Variants in ADIPOR2 observed in about 807,000 individuals in gnomAD.
ADIPOR2 encodes adiponectin receptor 2, also known as adiponectin receptor protein 2.
Under a neutral mutation model 40.9 loss-of-function variants are expected in ADIPOR2, and 18 were observed. That is an observed-to-expected ratio of 0.44 (90% CI 0.30 to 0.65). The LOEUF (loss-of-function observed/expected upper bound fraction) is 0.65, where lower values mean the gene tolerates loss of function less well. ADIPOR2 is among the 30% of genes least tolerant of loss of function. The pLI is 0.09. For missense variants in ADIPOR2, 283 were observed against 479.2 expected, an observed-to-expected ratio of 0.59 and a Z score of 3.82; for synonymous variants, 165 against 166.4, an observed-to-expected ratio of 0.99 and a Z score of 0.06.
rs148666966 is a variant in ADIPOR2, at chr12:1,784,033, G to A, written c.992G>A (p.Arg331Gln). ...YITGAALYAA[R>Q]IPERFFPGKC... Reference sequence around the variant, plus strand: ...ACAGGAGCTGCCCTGTATGCTGCCCGGATCCCCGAACGCTTTTTCCCTGGC... The same window carrying A: ...ACAGGAGCTGCCCTGTATGCTGCCCAGATCCCCGAACGCTTTTTCCCTGGC... The change falls in exon 7 of 8, where the codon CGG becomes CAG. Residue 331 changes from arginine (R) to glutamine (Q), a missense_variant. Arg to Gln is a conservative substitution (Grantham distance 43). Coordinates refer to ENST00000357103, the MANE Select transcript of ADIPOR2 (RefSeq NM_024551.3). The A allele has an allele frequency of 3.7e-6, 6 of 1,604,254 alleles. No homozygotes were observed. The highest frequency in any genetic ancestry group is 1.3e-5 in the African/African-American group (1 of 74,302).
chr12:1,767,228 G>A (rs1017033354), intron 2 of ADIPOR2, among the ~76,000 whole-genome samples: 1 of 133,804 alleles, frequency 7.5e-6, no homozygotes, highest in Non-Finnish European at 1.5e-5. Flanking sequence ...CCAAGATTGC[G>A]CCATCACACT....
At chr12:1,713,779 G>A (rs576108987) in intron 1 of ADIPOR2, among the ~76,000 whole-genome samples, 1 of 152,214 alleles carries the variant, frequency 6.6e-6, no homozygotes, top group African/African-American at 2.4e-5. Flanking sequence ...GACTGTCCCA[G>A]GATTCCTCGG....
At chr12:1,772,452 A>G (rs1862508857) in intron 2 of ADIPOR2, among the ~76,000 whole-genome samples, 1 of 152,136 alleles carries the variant, frequency 6.6e-6, no homozygotes, top group Non-Finnish European at 1.5e-5. Context: ...AGTACTTACC[A>G]CATTGTGTAT....
At chr12:1,775,731 T>C (rs1234671422) in intron 3 of ADIPOR2, among the ~76,000 whole-genome samples, 1 of 152,186 alleles carries the variant, frequency 6.6e-6, no homozygotes, top group African/African-American at 2.4e-5. Context: ...TAGTGGTCTT[T>C]TCCCAAATTC....
intron 2 of ADIPOR2, among the ~76,000 whole-genome samples, chr12:1,771,212 A>G (rs562200911): frequency 5.3e-4 from 81 of 152,198 alleles, no homozygotes; most frequent in African/African-American, 1.9e-3. Context: ...GCACGCATGC[A>G]CACACACGTG....
At position 1,786,730 on chromosome 12, in the gene ADIPOR2, C is replaced by T. The variant is rs1458142795; in HGVS notation, c.*658C>T. On this transcript the variant is annotated 3_prime_UTR_variant, in exon 8 of 8. Transcript: ENST00000357103. ...CCGGAATGTACAGTGTCTTGGTGCA[C>T]CAAGATGCCTTCTAAAGGCTGACAT... 1 of 152,598 alleles carries T rather than the reference C, an allele frequency of 6.6e-6. No homozygotes were observed. The highest frequency in any genetic ancestry group is 2.4e-5 in the African/African-American group (1 of 41,410). 9.5% of individuals were successfully genotyped at this position (152,598 alleles called of 1,614,324 possible). A position where few individuals can be genotyped will look rare whatever the true frequency, so the allele number is the denominator to read the frequency against.
At chr12:1,692,617 G>T (rs2094629385) in intron 1 of ADIPOR2, among the ~76,000 whole-genome samples, 1 of 151,962 alleles carries the variant, frequency 6.6e-6, no homozygotes, top group Non-Finnish European at 1.5e-5. Context: ...AATGGGAGTA[G>T]GATTTCCAGA....
intron 1 of ADIPOR2, among the ~76,000 whole-genome samples, chr12:1,710,691 CAA>C (rs2094674792): frequency 6.6e-6 from 1 of 151,964 alleles, no homozygotes; most frequent in African/African-American, 2.4e-5. Context: ...CAAGGGTTGA[CAA>C]GAGGGGAAAG....
At chr12:1,725,429 A>G (rs907918511) in intron 1 of ADIPOR2, among the ~76,000 whole-genome samples, 3 of 152,204 alleles carry the variant, frequency 2.0e-5, no homozygotes, top group African/African-American at 7.2e-5. Flanking sequence ...CAAATGTCCC[A>G]AACTTAAACC....
intron 1 of ADIPOR2, among the ~76,000 whole-genome samples, chr12:1,747,672 G>A (rs933801926): frequency 6.6e-6 from 1 of 151,712 alleles, no homozygotes; most frequent in African/African-American, 2.4e-5. Context: ...GTTTTGAAAT[G>A]TAGTTTTGCT....
intron 1 of ADIPOR2, among the ~76,000 whole-genome samples, chr12:1,753,544 GTC>G (rs1320278144): frequency 2.0e-5 from 3 of 152,208 alleles, no homozygotes; most frequent in African/African-American, 7.2e-5. Context: ...TTCCAGGGTA[GTC>G]TAGTTAGAGT....
chr12:1,784,255 T>C (rs1443898210), intron 7 of ADIPOR2, among the ~76,000 whole-genome samples, 182 bp downstream of exon 7: 1 of 152,256 alleles, frequency 6.6e-6, no homozygotes, highest in African/African-American at 2.4e-5. Flanking sequence ...AGTGAGCACT[T>C]CCTTGGTGCT....
chr12:1,718,216 T>C lies in ADIPOR2; in HGVS notation c.-87+27025T>C, dbSNP rs1450858915. ...ATTGTGTATAGCCTCTCTTTCATAA[T>C]GATACTTGGACTGTGATGGTATAAA... is the stretch of plus-strand genomic sequence containing the variant. On this transcript the variant is annotated intron_variant, in intron 1 of 7. Coordinates refer to ENST00000357103, the MANE Select transcript of ADIPOR2 (RefSeq NM_024551.3). Among the ~76,000 whole-genome samples, 4 of 152,162 alleles carry C rather than the reference T, an allele frequency of 2.6e-5. No homozygotes were observed. In the East Asian group the frequency reaches 7.7e-4, roughly 29 times the overall value.
At chr12:1,784,733 A>C (rs539868256) in intron 7 of ADIPOR2, among the ~76,000 whole-genome samples, 2 of 152,334 alleles carry the variant, frequency 1.3e-5, no homozygotes, top group African/African-American at 4.8e-5. Context: ...AGAAGAGGGA[A>C]AAGAAAATAT....
chr12:1,703,074 G>A (rs2094653754), intron 1 of ADIPOR2: 2 of 152,170 alleles, frequency 1.3e-5, no homozygotes, highest in Admixed American at 1.3e-4. Context: ...GTACAAAGAT[G>A]CTCTCTGACA....
At chr12:1,785,648 AAG>A (rs1862814218) in intron 7 of ADIPOR2, among the ~76,000 whole-genome samples, 1 of 69,744 alleles carries the variant, frequency 1.4e-5, no homozygotes, top group Non-Finnish European at 4.4e-5. Context: ...CCACTTTAGC[AAG>A]AGAGTCTGTG....
intron 1 of ADIPOR2, among the ~76,000 whole-genome samples, chr12:1,693,046 C>T (rs905936733): frequency 2.6e-5 from 4 of 151,848 alleles, no homozygotes; most frequent in Non-Finnish European, 4.4e-5. Flanking sequence ...TCCCAGCTGC[C>T]CGGGAGGCTG....
At chr12:1,729,794 A>G (rs2094716125) in intron 1 of ADIPOR2, among the ~76,000 whole-genome samples, 1 of 152,108 alleles carries the variant, frequency 6.6e-6, no homozygotes, top group South Asian at 2.1e-4. Context: ...TTCTTAGAGA[A>G]ATGTCATTTA....
At chr12:1,748,468 T>C (rs1201044316) in intron 1 of ADIPOR2, among the ~76,000 whole-genome samples, 1 of 152,094 alleles carries the variant, frequency 6.6e-6, no homozygotes, top group Non-Finnish European at 1.5e-5. Context: ...CAGGATGGTC[T>C]CAATCTCCTG....
Sources: allele counts gnomAD v4.1 joint callset (sites outside exome capture counted in the v4.1 genomes callset), GRCh38; gene constraint gnomAD v4.1.1; transcripts MANE v1.5; gene names NCBI Gene and HGNC (gene_info 2026-07-23, HGNC 2026-07-21).